Variants in RBPJ observed in about 807,000 individuals in gnomAD.
RBPJ encodes recombining binding protein suppressor of hairless.
RBPJ carries 9 observed loss-of-function variants against 67.8 expected under a neutral mutation model. The ratio of observed to expected loss-of-function variants is 0.13; its 90% CI spans 0.08 to 0.23. RBPJ has a LOEUF of 0.23. RBPJ is among the 10% of genes least tolerant of loss of function. The pLI is 1.00. For synonymous variants in RBPJ, 198 were observed against 203.3 expected (o/e 0.97, Z 0.22); for missense variants, 305 against 595.6 (o/e 0.51, Z 5.08).
chr4:26,366,626 T>A (rs1419678338), intron 1 of RBPJ, among the ~76,000 whole-genome samples: 2 of 152,016 alleles, frequency 1.3e-5, no homozygotes, highest in Non-Finnish European at 2.9e-5. Context: ...TTCACCGTGT[T>A]AGCCAGGATG....
chr4:26,109,501 CATAT>C, the RBPJ span, among the ~76,000 whole-genome samples: 649 of 49,024 alleles, frequency 0.013, 33 homozygotes, highest in Non-Finnish European at 0.021. Flanking sequence ...TACACACACA[CATAT>C]ATATATATAC....
Position 26,231,858 on chromosome 4 carries a change from AT to A in RBPJ, c.-167+68253del, listed in dbSNP as rs1318111324. 2.1e-4 allele frequency among the ~76,000 whole-genome samples: 31 copies of A among 149,600 alleles called. 1 individual carries two copies. The highest frequency in any genetic ancestry group is 7.9e-4 in the East Asian group (4 of 5,038). Reference sequence around the variant, plus strand: ...GCCACTGCGCCTGACCTTATGCTTTATTTTTTTTTAATTTTAATTTTTATTT... The same window carrying A: ...GCCACTGCGCCTGACCTTATGCTTTATTTTTTTTAATTTTAATTTTTATTT... On this transcript the variant is annotated intron_variant, in intron 1 of 4. Coordinates refer to the RBPJ transcript ENST00000512351.
At chr4:26,214,982 A>AGGAGGGAG (rs1370608628) in intron 1 of RBPJ, among the ~76,000 whole-genome samples, 1 of 33,256 alleles carries the variant, frequency 3.0e-5, no homozygotes, top group African/African-American at 1.9e-4. Flanking sequence ...GAGGGAAGGA[A>AGGAGGGAG]GGAGGGAGGG....
chr4:26,380,239 T>C (rs1730177406), intron 1 of RBPJ, among the ~76,000 whole-genome samples: 1 of 152,212 alleles, frequency 6.6e-6, no homozygotes, highest in African/African-American at 2.4e-5. Context: ...ATTTAAGTAG[T>C]TTCTGAATGT....
At chr4:26,108,749 A>G in the RBPJ span, among the ~76,000 whole-genome samples, 5 of 152,242 alleles carry the variant, frequency 3.3e-5, no homozygotes, top group Admixed American at 6.5e-5. Context: ...TGGGATAGAC[A>G]CATCTTCTAA....
At chr4:26,320,142 G>A (rs1275083415), upstream of RBPJ, among the ~76,000 whole-genome samples, 1 of 152,230 alleles carries the variant, frequency 6.6e-6, no homozygotes, top group Non-Finnish European at 1.5e-5. Flanking sequence ...AGCGGCAAGA[G>A]CTTTGATCGG....
At chr4:26,337,904 T>C (rs1203835048) in intron 1 of RBPJ, among the ~76,000 whole-genome samples, 1 of 151,858 alleles carries the variant, frequency 6.6e-6, no homozygotes, top group Non-Finnish European at 1.5e-5. Flanking sequence ...CCAGGCTGTC[T>C]ATTCATTTAT....
chr4:26,190,879 T>C (rs4444818), intron 1 of RBPJ, among the ~76,000 whole-genome samples: 110,830 of 151,672 alleles, frequency 0.73, 41,571 homozygotes, highest in African/African-American at 0.9. Context: ...GGCACAGTGG[T>C]TCATGCCTAT....
At chr4:26,336,190 G>C (rs1724815058) in intron 1 of RBPJ, among the ~76,000 whole-genome samples, 1 of 152,210 alleles carries the variant, frequency 6.6e-6, no homozygotes, top group Admixed American at 6.5e-5. Flanking sequence ...CAGTTCGCTA[G>C]ATCCCAGCTC....
chr4:26,256,461 C>T (rs1720347821), intron 1 of RBPJ, among the ~76,000 whole-genome samples: 1 of 152,144 alleles, frequency 6.6e-6, no homozygotes, highest in South Asian at 2.1e-4. Context: ...TTTTAAATGA[C>T]TATTTCTAGT....
intron 2 of RBPJ, among the ~76,000 whole-genome samples, chr4:26,388,452 A>G (rs556251351): frequency 6.6e-6 from 1 of 152,352 alleles, no homozygotes; most frequent in African/African-American, 2.4e-5. Flanking sequence ...AAAAGCAGCA[A>G]TAGACCATGT....
chr4:26,296,441 T>C (rs934869758), intron 1 of RBPJ, among the ~76,000 whole-genome samples: 2 of 152,162 alleles, frequency 1.3e-5, no homozygotes, highest in Non-Finnish European at 2.9e-5. Context: ...GTTAGGGTGA[T>C]ATTAATCAGG....
intron 1 of RBPJ, among the ~76,000 whole-genome samples, chr4:26,306,880 A>G (rs547134121): frequency 6.6e-6 from 1 of 152,090 alleles, no homozygotes; most frequent in Admixed American, 6.5e-5. Flanking sequence ...AATTAAATAT[A>G]TTAACTATTT....
At chr4:26,168,864 G>A (rs1026372814) in intron 1 of RBPJ, among the ~76,000 whole-genome samples, 4 of 151,644 alleles carry the variant, frequency 2.6e-5, no homozygotes, top group African/African-American at 4.8e-5. Flanking sequence ...TGATCACATC[G>A]GCTCCTGAGG....
At chr4:26,303,330 G>A (rs1722139327) in intron 1 of RBPJ, among the ~76,000 whole-genome samples, 1 of 144,238 alleles carries the variant, frequency 6.9e-6, no homozygotes, top group South Asian at 2.1e-4. Context: ...TCTCAGAGCC[G>A]AGTGCAGTGG....
chr4:26,303,401 G>A (rs1722141254), intron 1 of RBPJ, among the ~76,000 whole-genome samples: 1 of 135,080 alleles, frequency 7.4e-6, no homozygotes, highest in Admixed American at 7.4e-5. Flanking sequence ...GGAGTTCAAG[G>A]CTACAGTGAG....
At chr4:26,311,201 TAAA>T (rs143458502) in intron 1 of RBPJ, among the ~76,000 whole-genome samples, 2,592 of 152,210 alleles carry the variant, frequency 0.017, 41 homozygotes, top group Admixed American at 0.027. Context: ...ACTGACAAGT[TAAA>T]AAACTTGTCT....
At chr4:26,171,297 A>G (rs1560196071) in intron 1 of RBPJ, among the ~76,000 whole-genome samples, 1 of 152,214 alleles carries the variant, frequency 6.6e-6, no homozygotes, top group African/African-American at 2.4e-5. Context: ...AAACATAGAC[A>G]TGTCACTGTA....
intron 5 of RBPJ, 89 bp downstream of exon 5, chr4:26,420,814 G>T: frequency 1.9e-6 from 2 of 1,040,324 alleles, no homozygotes; most frequent in South Asian, 1.9e-5. Flanking sequence ...CTTTTCAATA[G>T]CCAATTAATT....
Sources: gnomAD v4.1 joint callset for allele counts (sites outside exome capture counted in the v4.1 genomes callset) on GRCh38, gnomAD v4.1.1 for gene constraint, MANE v1.5 for transcripts, NCBI Gene and HGNC (gene_info 2026-07-23, HGNC 2026-07-21) for gene names.